The following SORCS1 variants were observed in gnomAD, a reference collection of about 807,000 sequenced individuals.
The protein encoded by SORCS1 is VPS10 domain-containing receptor SorCS1.
A neutral mutation model predicts 146.1 loss-of-function variants in SORCS1; 60 were observed. That is an observed-to-expected ratio of 0.41 (90% CI 0.33 to 0.51). The LOEUF is 0.51. Ranked by LOEUF, SORCS1 falls within the 20% of genes least tolerant of loss-of-function variation. The pLI, the probability that SORCS1 is intolerant of heterozygous loss-of-function variation, is 0.21. For missense variants in SORCS1, 1,352 were observed against 1,487.6 expected, an observed-to-expected ratio of 0.91 and a Z score of 1.50; for synonymous variants, 637 against 584.0, an observed-to-expected ratio of 1.09 and a Z score of -1.31.
chr10:106,776,080 T>C (rs1482876417), intron 4 of SORCS1, among the ~76,000 whole-genome samples: 3 of 152,232 alleles, frequency 2.0e-5, no homozygotes, highest in Non-Finnish European at 4.4e-5. Flanking sequence ...TACATCATTA[T>C]TGTTCCTCTG....
chr10:106,822,935 C>T (rs180714369), intron 3 of SORCS1, among the ~76,000 whole-genome samples: 61 of 151,920 alleles, frequency 4.0e-4, no homozygotes, highest in African/African-American at 1.5e-3. Flanking sequence ...CACCTGCCAC[C>T]GCACCCGGCT....
chr10:107,031,601 CTT>C (rs796816089), intron 1 of SORCS1, among the ~76,000 whole-genome samples: 13 of 144,524 alleles, frequency 9.0e-5, no homozygotes, highest in Admixed American at 1.4e-4. Context: ...TTGTATCTCT[CTT>C]TTTTTTTTTT....
intron 2 of SORCS1, among the ~76,000 whole-genome samples, chr10:106,870,791 GACAA>G (rs754180636): frequency 1.3e-5 from 2 of 152,142 alleles, no homozygotes. Context: ...AAGATTGCAT[GACAA>G]AGACACCAAA....
the SORCS1 span, among the ~76,000 whole-genome samples, chr10:107,180,446 C>T: frequency 1.3e-5 from 2 of 152,132 alleles, no homozygotes; most frequent in Non-Finnish European, 2.9e-5. Flanking sequence ...TATTCAATTG[C>T]TCCAGAACTA....
intron 2 of SORCS1, among the ~76,000 whole-genome samples, chr10:106,910,079 G>T (rs1952074703): frequency 6.6e-6 from 1 of 152,096 alleles, no homozygotes; most frequent in Non-Finnish European, 1.5e-5. Context: ...AATATATAAT[G>T]CAAAGCAATT....
At chr10:107,102,897 C>T (rs549903774) in intron 1 of SORCS1, among the ~76,000 whole-genome samples, 1 of 152,270 alleles carries the variant, frequency 6.6e-6, no homozygotes, top group South Asian at 2.1e-4. Flanking sequence ...TATGCTTACC[C>T]TACTGAGGAG....
intron 1 of SORCS1, among the ~76,000 whole-genome samples, chr10:107,080,918 G>T (rs1285264487): frequency 6.6e-6 from 1 of 152,038 alleles, no homozygotes; most frequent in African/African-American, 2.4e-5. Context: ...TGTCTTTCAT[G>T]ATTATAGCTA....
intron 2 of SORCS1, among the ~76,000 whole-genome samples, chr10:106,911,918 CT>C (rs1952178450): frequency 6.6e-6 from 1 of 152,004 alleles, no homozygotes; most frequent in South Asian, 2.1e-4. Context: ...CAAGACCATC[CT>C]GGCTAACATG....
At chr10:106,599,558 G>A (rs901158059) in intron 23 of SORCS1, among the ~76,000 whole-genome samples, 1 of 152,042 alleles carries the variant, frequency 6.6e-6, no homozygotes, top group African/African-American at 2.4e-5. Flanking sequence ...TTTTAGCTAT[G>A]AAATACACAC....
intron 2 of SORCS1, among the ~76,000 whole-genome samples, chr10:106,928,419 G>C (rs1036127743): frequency 1.3e-5 from 2 of 152,204 alleles, no homozygotes; most frequent in African/African-American, 4.8e-5. Context: ...CGCCCACCCG[G>C]AACTCCAGCT....
intron 1 of SORCS1, among the ~76,000 whole-genome samples, chr10:107,027,141 A>C (rs1405390800): frequency 1.3e-5 from 2 of 150,880 alleles, no homozygotes; most frequent in Non-Finnish European, 2.9e-5. Flanking sequence ...TTCTCTCTGA[A>C]GGCATGACGA....
chr10:106,658,123 T>C (rs1268088822), intron 17 of SORCS1, among the ~76,000 whole-genome samples: 1 of 152,176 alleles, frequency 6.6e-6, no homozygotes, highest in Non-Finnish European at 1.5e-5. Flanking sequence ...TCCCATGGGC[T>C]TATTCTAAAG....
At chr10:106,796,049 C>T (rs991453752) in intron 3 of SORCS1, among the ~76,000 whole-genome samples, 20 of 152,226 alleles carry the variant, frequency 1.3e-4, no homozygotes, top group African/African-American at 4.8e-4. Flanking sequence ...ATCTTATATA[C>T]CTATAAATTG....
rs956267834 is a variant in SORCS1, at chr10:106,577,327, AC to A, written c.*92del. 2.5e-6 allele frequency: 4 copies of A among 1,609,992 alleles called. No individual in the cohort carries two copies. The African/African-American group carries it at 4.0e-5, about 16-fold the overall frequency. On this transcript the variant is annotated 3_prime_UTR_variant, in exon 26 of 26. Coordinates refer to ENST00000263054, the MANE Select transcript of SORCS1 (RefSeq NM_052918.5). ...CAGAACAACAAAGGAAAGAAAAAAAACACAAAGTTAGTGGTCATGAAGGATG... is the reference window on the plus strand; with the variant it reads ...CAGAACAACAAAGGAAAGAAAAAAAAACAAAGTTAGTGGTCATGAAGGATG...
At chr10:106,906,900 C>T (rs1355972636) in intron 2 of SORCS1, among the ~76,000 whole-genome samples, 5 of 152,108 alleles carry the variant, frequency 3.3e-5, no homozygotes, top group Non-Finnish European at 1.5e-5. Flanking sequence ...AGGAAATGTG[C>T]CATGGACTAA....
At chr10:106,602,409 G>A (rs1846293911) in intron 23 of SORCS1, among the ~76,000 whole-genome samples, 1 of 151,820 alleles carries the variant, frequency 6.6e-6, no homozygotes, top group African/African-American at 2.4e-5. Context: ...TTAAACAGAG[G>A]AAGATCTTTC....
intron 2 of SORCS1, among the ~76,000 whole-genome samples, chr10:106,901,463 C>T (rs1444872573): frequency 6.6e-6 from 1 of 152,118 alleles, no homozygotes; most frequent in East Asian, 1.9e-4. Context: ...GGCAGTGTCT[C>T]ACTTTGTCAC....
intron 1 of SORCS1, among the ~76,000 whole-genome samples, chr10:107,019,511 T>C (rs1443134000): frequency 6.6e-6 from 1 of 152,194 alleles, no homozygotes. Context: ...GATTGCAAAG[T>C]TCCAGACTGA....
intron 6 of SORCS1, among the ~76,000 whole-genome samples, chr10:106,717,686 A>G (rs1313123606): frequency 6.6e-6 from 1 of 152,250 alleles, no homozygotes; most frequent in Non-Finnish European, 1.5e-5. Context: ...ACAAAAGCAC[A>G]CTATTAGGTT....
Sources: gnomAD v4.1 joint callset for allele counts (sites outside exome capture counted in the v4.1 genomes callset) on GRCh38, gnomAD v4.1.1 for gene constraint, MANE v1.5 for transcripts, NCBI Gene and HGNC (gene_info 2026-07-23, HGNC 2026-07-21) for gene names.